The following BCAP29 variants were observed in gnomAD, a reference collection of about 807,000 sequenced individuals.
BCAP29 encodes B-cell receptor-associated protein 29.
Under a neutral mutation model 31.8 loss-of-function variants are expected in BCAP29, and 34 were observed. The observed-to-expected ratio is 1.07, with a 90% CI of 0.81 to 1.42. The LOEUF (loss-of-function observed/expected upper bound fraction) is 1.42, where lower values mean the gene tolerates loss of function less well. BCAP29 is among the 40% of genes most tolerant of loss of function. BCAP29 has a pLI of 0.00. For synonymous variants in BCAP29, 104 were observed against 91.3 expected, an observed-to-expected ratio of 1.14 and a Z score of -0.79; for missense variants, 314 against 269.2, an observed-to-expected ratio of 1.17 and a Z score of -1.16.
intron 5 of BCAP29, among the ~76,000 whole-genome samples, chr7:107,599,328 TA>T (rs1810700100): frequency 1.7e-5 from 2 of 120,036 alleles, no homozygotes; most frequent in African/African-American, 6.0e-5. Flanking sequence ...TATATATAAA[TA>T]TATATATGCA....
intron 3 of BCAP29, among the ~76,000 whole-genome samples, chr7:107,585,638 A>T (rs1585045663): frequency 1.3e-5 from 2 of 152,310 alleles, no homozygotes; most frequent in Admixed American, 1.3e-4. Context: ...TTCTATTGAA[A>T]ACTGTCACTT....
Position 107,595,897 on chromosome 7 carries a change from T to G in BCAP29, c.375T>G (p.Thr125=). The G allele has an allele frequency of 6.2e-7, 1 of 1,603,466 alleles. No individual in the cohort carries two copies. The highest frequency in any genetic ancestry group is 8.5e-7 in the Non-Finnish European group (1 of 1,176,902). ...LVLRRLVTLI[T]QLAKELSNKG... is the part of the protein sequence containing the mutation. ...TGAGACGTCTGGTTACGCTTATTAC[T>G]CAACTGGCAAAAGAACTGTCAAACA... Residue 125 remains threonine, a synonymous_variant, in exon 5 of 8, where the codon ACT becomes ACG. Transcript: ENST00000005259.
intron 6 of BCAP29, among the ~76,000 whole-genome samples, chr7:107,607,641 T>C (rs926702575): frequency 1.3e-5 from 2 of 150,078 alleles, no homozygotes; most frequent in Admixed American, 6.6e-5. Flanking sequence ...TTTTCTTTTT[T>C]TTTTTTTTTT....
chr7:107,580,832 A>C lies in BCAP29; in HGVS notation c.60A>C (p.Leu20Phe), dbSNP rs1215521361. The change falls in exon 2 of 8, where the codon TTA becomes TTC. Residue 20 changes from leucine to phenylalanine, a missense_variant. Transcript: ENST00000005259. The stretch of plus-strand genomic sequence containing the variant: ...TTTATGCCGAAATAGGACTCATTTT[A>C]ATCTTCTGCCTACCTTTTATTCCTC... ...TFLYAEIGLI[L>F]IFCLPFIPPQ... 1 of 1,590,416 alleles carries C rather than the reference A, an allele frequency of 6.3e-7. No individual in the cohort carries two copies. The highest frequency in any genetic ancestry group is 2.4e-5 in the East Asian group (1 of 42,038).
At chr7:107,593,878 T>C in intron 3 of BCAP29, 77 bp from the exon 4 acceptor site, 1 of 1,438,266 alleles carries the variant, frequency 7.0e-7, no homozygotes, top group Non-Finnish European at 9.4e-7. Context: ...GGTCAGTTTT[T>C]CTAAAACTGC....
chr7:107,596,134 T>C (rs2129239319), intron 5 of BCAP29, 132 bp downstream of exon 5: 1 of 735,202 alleles, frequency 1.4e-6, no homozygotes, highest in East Asian at 3.2e-5. Context: ...ATATTTTATG[T>C]AATGATTATT....
At chr7:107,580,725 G>C (rs771228480) in intron 1 of BCAP29, 34 bp from the exon 2 acceptor site, 18 of 1,478,822 alleles carry the variant, frequency 1.2e-5, no homozygotes, top group Non-Finnish European at 9.3e-7. Context: ...TTGTTTGAAA[G>C]GAAGCAAGAG....
intron 6 of BCAP29, among the ~76,000 whole-genome samples, chr7:107,609,123 A>T (rs1812681027): frequency 6.6e-6 from 1 of 152,212 alleles, no homozygotes; most frequent in African/African-American, 2.4e-5. Flanking sequence ...AATTAGCCAG[A>T]TGAAGTAGGA....
chr7:107,586,471 C>T (rs1196075354), intron 3 of BCAP29, among the ~76,000 whole-genome samples: 1 of 152,244 alleles, frequency 6.6e-6, no homozygotes, highest in African/African-American at 2.4e-5. Context: ...GTTAAGGCAA[C>T]CAGATAGGTG....
intron 3 of BCAP29, among the ~76,000 whole-genome samples, chr7:107,586,036 A>G (rs560121804): frequency 1.3e-5 from 2 of 152,172 alleles, no homozygotes; most frequent in Non-Finnish European, 2.9e-5. Flanking sequence ...AAAAAAGGAA[A>G]AATTTGTAAT....
At chr7:107,601,084 C>G (rs1158916785) in intron 6 of BCAP29, among the ~76,000 whole-genome samples, 2 of 151,888 alleles carry the variant, frequency 1.3e-5, no homozygotes, top group Non-Finnish European at 2.9e-5. Flanking sequence ...GCAGCAATTT[C>G]TTCTACATTA....
At chr7:107,615,504 G>A (rs764042399) in intron 7 of BCAP29, 52 of 335,500 alleles carry the variant, frequency 1.5e-4, no homozygotes, top group Non-Finnish European at 2.4e-4. Context: ...GCTGAGGCAG[G>A]AGAATCACTT....
intron 7 of BCAP29, chr7:107,615,381 T>TCG: frequency 2.2e-6 from 1 of 454,920 alleles, no homozygotes; most frequent in Non-Finnish European, 4.4e-6. Context: ...GGCGGGCGGA[T>TCG]CATGGGAGAT....
chr7:107,588,860 A>G (rs1375707935), intron 3 of BCAP29, among the ~76,000 whole-genome samples: 1 of 152,206 alleles, frequency 6.6e-6, no homozygotes, highest in East Asian at 1.9e-4. Flanking sequence ...ATGTGTAGGA[A>G]AGATTCCAAG....
At chr7:107,580,905 G>A in intron 2 of BCAP29, 41 bp downstream of exon 2, 4 of 1,446,938 alleles carry the variant, frequency 2.8e-6, no homozygotes, top group South Asian at 2.6e-5. Flanking sequence ...ATATTGGATC[G>A]CTCTTAATGT....
chr7:107,612,394 TATATATATATATATA>T lies in BCAP29; in HGVS notation c.590-937_590-923del, dbSNP rs1563141218. Among the ~76,000 whole-genome samples the T allele has an allele frequency of 2.7e-3, 25 of 9,302 alleles. 1 individual carries two copies. Among genetic ancestry groups the T allele is most frequent in the African/African-American group, 9.1e-3 (25 of 2,740 alleles). 6.1% of individuals were successfully genotyped at this position (9,302 alleles called of 152,430 possible). ...ACCTTCTTCACAATGTATTGTTTTA[TATATATATATATATA>T]TATATATATATATATATATATATAT... On this transcript the variant is annotated intron_variant, in intron 6 of 7. Coordinates refer to ENST00000005259, the MANE Select transcript of BCAP29 (RefSeq NM_018844.4).
chr7:107,618,461 G>T lies in BCAP29; in HGVS notation c.*98G>T. ...AGTTCAGAAAAATGCACTATGACCG[G>T]TTCGTAATTTTTTTAATGCCACACA... On this transcript the variant is annotated 3_prime_UTR_variant, in exon 8 of 8. Transcript: ENST00000005259. 1.9e-6 allele frequency: 3 copies of T among 1,612,862 alleles called. No individual in the cohort carries two copies. Among genetic ancestry groups the T allele is most frequent in the Non-Finnish European group, 2.5e-6 (3 of 1,179,308 alleles).
rs1814801543 is a variant in BCAP29, at chr7:107,620,138, C to A, written c.*1775C>A. ...CATTTAAGGGACCTTGGACCTCAAC[C>A]CTCTCAAGTTTACAAGTCTGAAACT... On this transcript the variant is annotated 3_prime_UTR_variant, in exon 8 of 8. Transcript: ENST00000005259. The A allele has an allele frequency of 6.6e-6, 1 of 152,144 alleles. No individual in the cohort carries two copies. Among genetic ancestry groups the A allele is most frequent in the Admixed American group, 6.5e-5 (1 of 15,270 alleles). The allele number at this position is 152,144 out of a possible 1,614,324, so 9.4% of individuals were successfully genotyped here. A position where few individuals can be genotyped will look rare whatever the true frequency, so the allele number is the denominator to read the frequency against.
At chr7:107,593,522 T>G (rs991243512) in intron 3 of BCAP29, among the ~76,000 whole-genome samples, 11 of 152,192 alleles carry the variant, frequency 7.2e-5, no homozygotes, top group Non-Finnish European at 1.2e-4. Context: ...CTCAATCATT[T>G]AAAGTAATAA....
Sources: gnomAD v4.1 joint callset for allele counts (sites outside exome capture counted in the v4.1 genomes callset) on GRCh38, gnomAD v4.1.1 for gene constraint, MANE v1.5 for transcripts, NCBI Gene and HGNC (gene_info 2026-07-23, HGNC 2026-07-21) for gene names.